The following PRKDC variants were observed in gnomAD, a reference collection of about 807,000 sequenced individuals.
The protein encoded by PRKDC is protein kinase, DNA-activated, catalytic subunit.
PRKDC carries 82 observed loss-of-function variants against 486.9 expected under a neutral mutation model. The observed-to-expected ratio is 0.17, with a 90% CI of 0.14 to 0.20. The LOEUF (loss-of-function observed/expected upper bound fraction) is 0.20, where lower values mean the gene tolerates loss of function less well. Among genes scored for constraint, PRKDC ranks in the 10% least tolerant of loss-of-function variants. PRKDC has a pLI of 1.00. For synonymous variants in PRKDC, 1,895 were observed against 1,837.0 expected, an observed-to-expected ratio of 1.03 and a Z score of -0.81; for missense variants, 4,504 against 5,038.2, an observed-to-expected ratio of 0.89 and a Z score of 3.21.
rs995229174 is a variant in PRKDC, at chr8:47,773,224, A to G, written c.*949T>C. 1 of 224,524 alleles carries G rather than the reference A, an allele frequency of 4.5e-6. No individual in the cohort carries two copies. The highest frequency in any genetic ancestry group is 9.0e-6 in the Non-Finnish European group (1 of 111,450). 13.9% of individuals were successfully genotyped at this position (224,524 alleles called of 1,614,324 possible). On this transcript the variant is annotated 3_prime_UTR_variant, in exon 86 of 86. Transcript: ENST00000314191. ...AAAAACAACAAAAAGCTAAAAGCCAATCAGAAACAGTTTGGGTGTGGAGGA... is the reference window on the plus strand; with the variant it reads ...AAAAACAACAAAAAGCTAAAAGCCAGTCAGAAACAGTTTGGGTGTGGAGGA...
At chr8:47,933,438 T>C (rs1229390149) in intron 15 of PRKDC, among the ~76,000 whole-genome samples, 5 of 152,220 alleles carry the variant, frequency 3.3e-5, no homozygotes, top group Non-Finnish European at 7.3e-5. Flanking sequence ...TGAGAAGATT[T>C]AGGCCAATCC....
intron 42 of PRKDC, 97 bp downstream of exon 42, chr8:47,863,302 A>G: frequency 9.6e-7 from 1 of 1,039,714 alleles, no homozygotes; most frequent in Non-Finnish European, 1.4e-6. Context: ...CTCAGTATCT[A>G]AATAAAATAT....
intron 7 of PRKDC, among the ~76,000 whole-genome samples, chr8:47,949,788 A>G (rs1246911067): frequency 6.6e-6 from 1 of 152,146 alleles, no homozygotes; most frequent in Admixed American, 6.5e-5. Context: ...CACGAAGGAA[A>G]ATTACACAGG....
At chr8:47,824,134 A>G (rs1451399022) in intron 63 of PRKDC, 138 bp from the exon 64 acceptor site, 2 of 953,930 alleles carry the variant, frequency 2.1e-6, no homozygotes, top group Non-Finnish European at 2.8e-6. Context: ...AATTTTGCTA[A>G]AAATATAAAA....
chr8:47,824,840 C>A (rs1210587382), intron 63 of PRKDC, among the ~76,000 whole-genome samples: 1 of 152,148 alleles, frequency 6.6e-6, no homozygotes, highest in Non-Finnish European at 1.5e-5. Context: ...CAGTCTCAAC[C>A]CAAATGTTAT....
At chr8:47,823,049 G>A (rs1481373360) in intron 64 of PRKDC, among the ~76,000 whole-genome samples, 1 of 151,938 alleles carries the variant, frequency 6.6e-6, no homozygotes, top group East Asian at 2.0e-4. Context: ...GATCCCTCAT[G>A]AATGAAGTGG....
intron 57 of PRKDC, 21 bp downstream of exon 57, chr8:47,837,188 CTAT>C (rs2088044741): frequency 2.5e-6 from 4 of 1,586,850 alleles, no homozygotes; most frequent in Admixed American, 3.4e-5. Flanking sequence ...ATATTCACTA[CTAT>C]GAGAGAGAAG....
chr8:47,935,403 G>A (rs577543791), intron 13 of PRKDC, among the ~76,000 whole-genome samples: 34 of 152,146 alleles, frequency 2.2e-4, no homozygotes, highest in African/African-American at 8.0e-4. Context: ...TGGAAGCTGA[G>A]GCAAGAGAAT....
At chr8:47,945,908 G>C (rs974995135) in intron 7 of PRKDC, among the ~76,000 whole-genome samples, 1 of 151,964 alleles carries the variant, frequency 6.6e-6, no homozygotes, top group African/African-American at 2.4e-5. Context: ...ATTTTTAGTA[G>C]AGATGGGGTT....
intron 36 of PRKDC, among the ~76,000 whole-genome samples, 174 bp downstream of exon 36, chr8:47,885,770 T>C (rs1482477664): frequency 6.6e-6 from 1 of 152,030 alleles, no homozygotes; most frequent in African/African-American, 2.4e-5. Flanking sequence ...CGGGTGCCTG[T>C]AATCCCAGCT....
At chr8:47,884,912 G>A (rs555194628) in intron 36 of PRKDC, among the ~76,000 whole-genome samples, 53 of 152,200 alleles carry the variant, frequency 3.5e-4, no homozygotes, top group Non-Finnish European at 6.6e-4. Flanking sequence ...TCAGCATCGA[G>A]GCCACAAGAG....
In PRKDC at chr8:47,951,700, C is replaced by T. The variant is rs1437050129; in HGVS notation, c.721+1920G>A. Among the ~76,000 whole-genome samples the T allele has an allele frequency of 2.0e-5, 3 of 149,206 alleles. No individual in the cohort carries two copies. The East Asian group carries it at 6.0e-4, about 30-fold the overall frequency. On this transcript the variant is annotated intron_variant, in intron 7 of 85. Transcript: ENST00000314191. Reference sequence around the variant, plus strand: ...CTGCTCTCCAGCCTGGGTGACAGAGCAAGACCCTGTCTCCAAAAAAAAAGG... The same window carrying T: ...CTGCTCTCCAGCCTGGGTGACAGAGTAAGACCCTGTCTCCAAAAAAAAAGG...
chr8:47,899,128 T>C (rs1165961211), intron 28 of PRKDC, among the ~76,000 whole-genome samples: 2 of 152,224 alleles, frequency 1.3e-5, no homozygotes, highest in African/African-American at 4.8e-5. Context: ...GCCTTATACA[T>C]CTTATTTTGA....
At chr8:47,923,585 C>T (rs1415139917) in intron 21 of PRKDC, among the ~76,000 whole-genome samples, 1 of 152,176 alleles carries the variant, frequency 6.6e-6, no homozygotes, top group Non-Finnish European at 1.5e-5. Context: ...TACCAGGTGT[C>T]TATGCTGTAA....
chr8:47,929,907 G>C lies in PRKDC; in HGVS notation c.1998C>G (p.Phe666Leu). The C allele has an allele frequency of 6.2e-7, 1 of 1,606,398 alleles. No individual in the cohort carries two copies. The highest frequency in any genetic ancestry group is 8.5e-7 in the Non-Finnish European group (1 of 1,177,920). ...TTACTGTAATAGAAAGCAATTTGTA[G>C]AAACCACTGATGAGGGGCAACCTTG... ...QSTRLPLISG[F>L]YKLLSITVRN... Residue 666 changes from phenylalanine to leucine, a missense_variant, in exon 18 of 86, where the codon TTC becomes TTG. Transcript: ENST00000314191.
At chr8:47,779,169 G>T in intron 80 of PRKDC, 76 bp from the exon 81 acceptor site, 4 of 1,065,638 alleles carry the variant, frequency 3.8e-6, no homozygotes, top group Non-Finnish European at 5.4e-6. Context: ...AGATCACCAA[G>T]AATTCATTGA....
chr8:47,928,043 A>G (rs1000396611), intron 19 of PRKDC, among the ~76,000 whole-genome samples, 153 bp from the exon 20 acceptor site: 3 of 152,198 alleles, frequency 2.0e-5, no homozygotes, highest in Admixed American at 6.5e-5. Flanking sequence ...ACTAACCTCC[A>G]GGAAAGTTAA....
rs190795655 is a variant in PRKDC, at chr8:47,791,301, C to T, written c.10671-2063G>A. Among the ~76,000 whole-genome samples, 81 of 152,188 alleles carry T rather than the reference C, an allele frequency of 5.3e-4. 1 individual carries two copies. In the Middle Eastern group the frequency reaches 0.024, roughly 45 times the overall value. ...ACCAGCCTGGCCAACATGGTGAAACCCTGTCCCTACTAAAAATACAAAAAT... is the reference window on the plus strand; with the variant it reads ...ACCAGCCTGGCCAACATGGTGAAACTCTGTCCCTACTAAAAATACAAAAAT... On this transcript the variant is annotated intron_variant, in intron 74 of 85. Transcript: ENST00000314191.
intron 62 of PRKDC, among the ~76,000 whole-genome samples, chr8:47,827,779 G>A (rs563595953): frequency 6.6e-6 from 1 of 152,268 alleles, no homozygotes; most frequent in African/African-American, 2.4e-5. Flanking sequence ...CATCAATGTG[G>A]CCCAGCCACC....
Sources: allele counts gnomAD v4.1 joint callset (sites outside exome capture counted in the v4.1 genomes callset), GRCh38; gene constraint gnomAD v4.1.1; transcripts MANE v1.5; gene names NCBI Gene and HGNC (gene_info 2026-07-23, HGNC 2026-07-21).